The following CRPPA variants were observed in gnomAD, a reference collection of about 807,000 sequenced individuals.
CRPPA encodes the protein D-ribitol-5-phosphate cytidylyltransferase.
Under a neutral mutation model 52.0 loss-of-function variants are expected in CRPPA, and 43 were observed. The ratio of observed to expected loss-of-function variants is 0.83; its 90% confidence interval spans 0.65 to 1.07. CRPPA has a LOEUF of 1.07. CRPPA is among the 50% of genes least tolerant of loss of function. CRPPA has a pLI of 0.00. For missense variants in CRPPA, 629 were observed against 551.7 expected (o/e 1.14, Z -1.40); for synonymous variants, 250 against 203.5 (o/e 1.23, Z -1.94).
chr7:16,318,632 G>A (rs1031058073), intron 3 of CRPPA, among the ~76,000 whole-genome samples: 10 of 152,096 alleles, frequency 6.6e-5, no homozygotes, highest in African/African-American at 2.4e-4. Context: ...TGCTCCTTGG[G>A]TTTACTCTGC....
intron 8 of CRPPA, among the ~76,000 whole-genome samples, chr7:16,252,540 C>T (rs1319880313): frequency 6.6e-6 from 1 of 152,154 alleles, no homozygotes; most frequent in East Asian, 1.9e-4. Flanking sequence ...CATCGTTGTT[C>T]ATCACGGATA....
chr7:16,393,509 T>C lies in CRPPA; in HGVS notation c.534+12552A>G, dbSNP rs114000435. On this transcript the variant is annotated intron_variant, in intron 2 of 9. Coordinates refer to ENST00000407010, the MANE Select transcript of CRPPA (RefSeq NM_001101426.4). ...AAGGGGATAATTATTCAATAAATGG[T>C]GCTAGGCAAAGACTTACCTTTGTAG... 1.5e-3 allele frequency among the ~76,000 whole-genome samples: 224 copies of C among 152,210 alleles called. 2 individuals are homozygous for C. The highest frequency in any genetic ancestry group is 5.2e-3 in the African/African-American group (218 of 41,542).
intron 3 of CRPPA, among the ~76,000 whole-genome samples, chr7:16,309,152 T>C (rs534678165): frequency 5.6e-4 from 86 of 152,242 alleles, no homozygotes; most frequent in Middle Eastern, 3.4e-3. Context: ...TAGTCTTTCA[T>C]TGTGCGAAAA....
intron 9 of CRPPA, among the ~76,000 whole-genome samples, chr7:16,213,169 G>C (rs1220997407): frequency 2.0e-5 from 3 of 152,162 alleles, no homozygotes; most frequent in Non-Finnish European, 4.4e-5. Context: ...TTCTGTCTCT[G>C]TAAGTTCACT....
chr7:16,329,275 T>C (rs1325653912), intron 3 of CRPPA, among the ~76,000 whole-genome samples: 1 of 152,232 alleles, frequency 6.6e-6, no homozygotes, highest in Non-Finnish European at 1.5e-5. Flanking sequence ...CTAGCATTTC[T>C]ACCTGTGCCT....
chr7:16,271,323 G>A (rs1784085310), intron 6 of CRPPA, among the ~76,000 whole-genome samples: 1 of 152,142 alleles, frequency 6.6e-6, no homozygotes, highest in Non-Finnish European at 1.5e-5. Context: ...GGTTTCCTCT[G>A]TAGAACTGTA....
intron 3 of CRPPA, among the ~76,000 whole-genome samples, chr7:16,328,297 T>A (rs1056234700): frequency 5.3e-5 from 8 of 152,196 alleles, no homozygotes; most frequent in Non-Finnish European, 1.2e-4. Flanking sequence ...CCTGGACGTT[T>A]CATTACGCAA....
At chr7:16,161,807 T>C (rs1277175618) in intron 9 of CRPPA, among the ~76,000 whole-genome samples, 1 of 152,166 alleles carries the variant, frequency 6.6e-6, no homozygotes, top group African/African-American at 2.4e-5. Flanking sequence ...TGTGACTCCG[T>C]CTGGTCCTGG....
At chr7:16,161,985 T>C (rs780387546) in intron 9 of CRPPA, among the ~76,000 whole-genome samples, 1 of 152,206 alleles carries the variant, frequency 6.6e-6, no homozygotes, top group African/African-American at 2.4e-5. Context: ...GAGGAGTTTA[T>C]AGTATTCTCT....
intron 3 of CRPPA, among the ~76,000 whole-genome samples, chr7:16,331,636 A>C (rs923289278): frequency 6.6e-6 from 1 of 152,210 alleles, no homozygotes; most frequent in African/African-American, 2.4e-5. Flanking sequence ...TGGGCAATTT[A>C]AGTAGGTAGG....
chr7:16,273,511 G>A (rs1302642736), intron 6 of CRPPA, among the ~76,000 whole-genome samples: 2 of 151,970 alleles, frequency 1.3e-5, no homozygotes, highest in Non-Finnish European at 2.9e-5. Flanking sequence ...GCAGGGGATA[G>A]CCAAACTCCA....
chr7:16,299,062 T>A (rs1784733783), intron 5 of CRPPA, among the ~76,000 whole-genome samples: 1 of 152,228 alleles, frequency 6.6e-6, no homozygotes, highest in South Asian at 2.1e-4. Context: ...TATGTATGCA[T>A]CTTATCTATA....
chr7:16,240,285 GA>G (rs1348695208), intron 8 of CRPPA, among the ~76,000 whole-genome samples: 2 of 150,800 alleles, frequency 1.3e-5, no homozygotes, highest in Admixed American at 1.3e-4. Flanking sequence ...ATTTAGGCAG[GA>G]AATACCTGAG....
intron 9 of CRPPA, among the ~76,000 whole-genome samples, chr7:16,183,575 TTATAAC>T (rs1329765210): frequency 3.3e-5 from 5 of 152,194 alleles, no homozygotes; most frequent in African/African-American, 9.6e-5. Context: ...ATCTATGGCC[TTATAAC>T]TATAACTAGT....
At chr7:16,286,213 CA>C (rs1171740622) in intron 5 of CRPPA, among the ~76,000 whole-genome samples, 12 of 148,450 alleles carry the variant, frequency 8.1e-5, no homozygotes, top group Non-Finnish European at 1.2e-4. Flanking sequence ...GATATTTGGT[CA>C]AATATTAAGT....
At chr7:16,144,385 A>C (rs151168390) in intron 9 of CRPPA, among the ~76,000 whole-genome samples, 1 of 152,202 alleles carries the variant, frequency 6.6e-6, no homozygotes, top group Non-Finnish European at 1.5e-5. Context: ...AGACATGCCC[A>C]AGGGAGCTGG....
intron 3 of CRPPA, among the ~76,000 whole-genome samples, chr7:16,337,125 G>C (rs923508906): frequency 6.6e-6 from 1 of 151,934 alleles, no homozygotes; most frequent in African/African-American, 2.4e-5. Context: ...AGATCAAATG[G>C]ACATAATGGA....
chr7:16,404,284 T>C (rs915295913), intron 2 of CRPPA, among the ~76,000 whole-genome samples: 1 of 152,168 alleles, frequency 6.6e-6, no homozygotes, highest in Admixed American at 6.5e-5. Flanking sequence ...GAAATATACT[T>C]TGTTTCATTT....
chr7:16,154,974 T>C (rs1484245179), intron 9 of CRPPA, among the ~76,000 whole-genome samples: 1 of 37,146 alleles, frequency 2.7e-5, no homozygotes, highest in Non-Finnish European at 6.0e-5. Context: ...TAATTTTTTC[T>C]TTTTTTTTTT....
Sources: gnomAD v4.1 joint callset for allele counts (sites outside exome capture counted in the v4.1 genomes callset) on GRCh38, gnomAD v4.1.1 for gene constraint, MANE v1.5 for transcripts, NCBI Gene and HGNC (gene_info 2026-07-23, HGNC 2026-07-21) for gene names.